Variants in PARD3B observed in about 807,000 individuals in gnomAD.
The protein encoded by PARD3B is par-3 family cell polarity regulator beta.
Under a neutral mutation model 130.2 loss-of-function variants are expected in PARD3B, and 103 were observed. That is an observed-to-expected ratio of 0.79 (90% CI 0.67 to 0.93). PARD3B has a LOEUF of 0.93. PARD3B is among the 40% of genes least tolerant of loss of function. The pLI, the probability that PARD3B is intolerant of heterozygous loss-of-function variation, is 0.00. For missense variants in PARD3B, 1,609 were observed against 1,499.2 expected, an observed-to-expected ratio of 1.07 and a Z score of -1.21; for synonymous variants, 583 against 553.2, an observed-to-expected ratio of 1.05 and a Z score of -0.76.
chr2:204,869,043 C>A (rs192240863), intron 2 of PARD3B, among the ~76,000 whole-genome samples: 18 of 152,254 alleles, frequency 1.2e-4, no homozygotes, highest in Admixed American at 1.2e-3. Context: ...TCTAATACAA[C>A]TTTGTAGGCT....
chr2:204,700,572 A>G (rs1278817659), intron 2 of PARD3B, among the ~76,000 whole-genome samples: 1 of 152,114 alleles, frequency 6.6e-6, no homozygotes, highest in African/African-American at 2.4e-5. Flanking sequence ...TCAGTGTTTT[A>G]TAGTATCTCT....
intron 21 of PARD3B, among the ~76,000 whole-genome samples, chr2:205,501,934 C>T (rs1170022143): frequency 6.6e-6 from 1 of 152,050 alleles, no homozygotes; most frequent in Non-Finnish European, 1.5e-5. Context: ...TCCCATGCTC[C>T]GGTGTGTTGA....
rs75149754 is a variant in PARD3B at position 205,525,157 on chromosome 2, T to G, written c.3180+25126T>G. Among the ~76,000 whole-genome samples, 2,762 of 152,274 alleles carry G rather than the reference T, an allele frequency of 0.018. 81 individuals are homozygous for G. Among genetic ancestry groups the G allele is most frequent in the African/African-American group, 0.063 (2,611 of 41,548 alleles). ...AGCAATGCCTAGCTCATGGTATGACTGGAAAATACTAGGGCTTTTTTCCCC... is the reference window on the plus strand; with the variant it reads ...AGCAATGCCTAGCTCATGGTATGACGGGAAAATACTAGGGCTTTTTTCCCC... On this transcript the variant is annotated intron_variant, in intron 21 of 22. Transcript: ENST00000406610. This position sits in a 1 kb window ranked among gnomAD's most constrained non-coding sequence, Gnocchi z 4.2.
rs910776968 is a variant in PARD3B, at chr2:204,825,641, G to C, written c.222+139359G>C. ...TCTTACCTGAGGATCTGGCATTGGA[G>C]AGTGGCCACCACATGAGTCAAGCAC... On this transcript the variant is annotated intron_variant, in intron 2 of 22. Transcript: ENST00000406610. Among the ~76,000 whole-genome samples the C allele has an allele frequency of 3.9e-5, 6 of 152,320 alleles. No individual in the cohort carries two copies. The South Asian group carries it at 1.2e-3, about 32-fold the overall frequency.
intron 2 of PARD3B, among the ~76,000 whole-genome samples, chr2:204,720,090 A>G (rs908782127): frequency 2.0e-5 from 3 of 152,300 alleles, no homozygotes; most frequent in Middle Eastern, 3.4e-3. Flanking sequence ...TAATGAGAAT[A>G]TAGTCAACTC....
At chr2:205,469,099 A>G (rs2048736222) in intron 20 of PARD3B, among the ~76,000 whole-genome samples, 1 of 151,988 alleles carries the variant, frequency 6.6e-6, no homozygotes, top group East Asian at 1.9e-4. Context: ...GTTGGAATTG[A>G]CTGTTAACTT....
At chr2:205,443,211 G>A (rs956372630) in intron 20 of PARD3B, among the ~76,000 whole-genome samples, 9 of 152,154 alleles carry the variant, frequency 5.9e-5, no homozygotes, top group African/African-American at 2.2e-4. Flanking sequence ...GCCCAGATAA[G>A]TCTAAGAAGA....
intron 1 of PARD3B, among the ~76,000 whole-genome samples, chr2:204,559,865 A>G (rs1158512331): frequency 6.6e-6 from 1 of 152,250 alleles, no homozygotes; most frequent in African/African-American, 2.4e-5. Context: ...GCTGTAAAAA[A>G]GGGTGAGTTC....
At chr2:204,692,237 G>A (rs2037389204) in intron 2 of PARD3B, among the ~76,000 whole-genome samples, 1 of 152,072 alleles carries the variant, frequency 6.6e-6, no homozygotes, top group African/African-American at 2.4e-5. Flanking sequence ...ACTCAGGCAT[G>A]GAGAATAAAG....
intron 4 of PARD3B, among the ~76,000 whole-genome samples, chr2:205,076,227 T>A (rs949152759): frequency 2.0e-5 from 3 of 152,190 alleles, no homozygotes; most frequent in African/African-American, 4.8e-5. Flanking sequence ...ACTAGATTGA[T>A]GCAGCTAAGA....
At chr2:204,811,577 G>C (rs893086924) in intron 2 of PARD3B, among the ~76,000 whole-genome samples, 1 of 152,138 alleles carries the variant, frequency 6.6e-6, no homozygotes, top group Non-Finnish European at 1.5e-5. Flanking sequence ...TTCCTGATGA[G>C]GAAGCATTGG....
chr2:205,425,443 G>A (rs1051546713), intron 19 of PARD3B, among the ~76,000 whole-genome samples: 1 of 151,290 alleles, frequency 6.6e-6, no homozygotes, highest in Admixed American at 6.6e-5. Flanking sequence ...GTGTTTAGTA[G>A]CAATGGAAAG....
intron 21 of PARD3B, among the ~76,000 whole-genome samples, chr2:205,542,065 C>T (rs1180874583): frequency 7.0e-6 from 1 of 142,978 alleles, no homozygotes; most frequent in African/African-American, 2.6e-5. Flanking sequence ...ATAGCTTGAA[C>T]CCAGGAGGCG....
At chr2:205,299,114 T>A (rs1196238229) in intron 16 of PARD3B, among the ~76,000 whole-genome samples, 1 of 152,220 alleles carries the variant, frequency 6.6e-6, no homozygotes, top group Non-Finnish European at 1.5e-5. Context: ...ATGTTGACTA[T>A]TTTTAACACG....
chr2:205,015,935 C>T lies in PARD3B; in HGVS notation c.395-31646C>T, dbSNP rs536285772. Among the ~76,000 whole-genome samples, 2 of 152,300 alleles carry T rather than the reference C, an allele frequency of 1.3e-5. No homozygotes were observed. The highest frequency in any genetic ancestry group is 2.1e-4 in the South Asian group (1 of 4,822). ...CCTGCCTACCTAGACCGTTTCTGCA[C>T]TCCACCTGAGGCCACCACTCCCAAC... is the stretch of plus-strand genomic sequence containing the variant. On this transcript the variant is annotated intron_variant, in intron 3 of 22. Coordinates refer to ENST00000406610, the MANE Select transcript of PARD3B (RefSeq NM_001302769.2). This position sits in a 1 kb window ranked among gnomAD's most constrained non-coding sequence, Gnocchi z 4.5.
In PARD3B at chr2:205,268,997, A is replaced by G. The variant is rs1406213600; in HGVS notation, c.2185+23175A>G. Among the ~76,000 whole-genome samples the G allele has an allele frequency of 6.6e-6, 1 of 152,170 alleles. No homozygotes were observed. The highest frequency in any genetic ancestry group is 1.5e-5 in the Non-Finnish European group (1 of 68,004). On this transcript the variant is annotated intron_variant, in intron 16 of 22. Coordinates refer to ENST00000406610, the MANE Select transcript of PARD3B (RefSeq NM_001302769.2). This position sits in a 1 kb window ranked among gnomAD's most constrained non-coding sequence, Gnocchi z 4.1. ...ATAAGTATAAATCATTCATTTTTCA[A>G]AAACCTGTGAAGCTCAAAGAATAGG...
chr2:205,161,227 G>A (rs1437006226), intron 11 of PARD3B, among the ~76,000 whole-genome samples: 1 of 152,156 alleles, frequency 6.6e-6, no homozygotes, highest in African/African-American at 2.4e-5. Context: ...CCATGTTTGT[G>A]TAAGTGAGCA....
chr2:204,859,865 T>C (rs1424151072), intron 2 of PARD3B, among the ~76,000 whole-genome samples: 1 of 152,214 alleles, frequency 6.6e-6, no homozygotes, highest in Admixed American at 6.5e-5. Context: ...TGGAACTCTT[T>C]AGGCTTAACC....
rs758552058 is a variant in PARD3B, at chr2:205,616,035, A to G, written c.*222A>G. The G allele has an allele frequency of 1.8e-5, 10 of 546,458 alleles. No individual in the cohort carries two copies. Among genetic ancestry groups the G allele is most frequent in the Admixed American group, 3.5e-5 (1 of 28,334 alleles). The allele number at this position is 546,458 out of a possible 1,614,324, so 33.9% of individuals were successfully genotyped here. On this transcript the variant is annotated 3_prime_UTR_variant, in exon 23 of 23. Coordinates refer to ENST00000406610, the MANE Select transcript of PARD3B (RefSeq NM_001302769.2). ...GAAGGAAGACGAAAGATGGGGCTAT[A>G]AAAACAAAACTACCTGATAGTTGAA...
Sources: allele counts gnomAD v4.1 joint callset (sites outside exome capture counted in the v4.1 genomes callset), GRCh38; gene constraint gnomAD v4.1.1; non-coding constraint Gnocchi (gnomAD v3.1); transcripts MANE v1.5; gene names NCBI Gene and HGNC (gene_info 2026-07-23, HGNC 2026-07-21).